The following USP33 variants were observed in gnomAD, a reference collection of about 807,000 sequenced individuals.
USP33 encodes ubiquitin specific peptidase 33.
Under a neutral mutation model 124.2 loss-of-function variants are expected in USP33, and 46 were observed. That is an observed-to-expected ratio of 0.37 (90% CI 0.29 to 0.47). USP33 has a LOEUF of 0.47. Among genes scored for constraint, USP33 ranks in the 20% least tolerant of loss-of-function variants. The pLI, the probability that USP33 is intolerant of heterozygous loss-of-function variation, is 0.99. For synonymous variants in USP33, 350 were observed against 352.3 expected, an observed-to-expected ratio of 0.99 and a Z score of 0.07; for missense variants, 851 against 1,070.6, an observed-to-expected ratio of 0.79 and a Z score of 2.86.
In USP33 at chr1:77,710,429, T is replaced by G. The variant is rs961470229; in HGVS notation, c.2406+1318A>C. ...TCAAAATACTTAGAATAGCTACTATTAATCAAATCCTGACAGACACAGTCA... is the reference window on the plus strand; with the variant it reads ...TCAAAATACTTAGAATAGCTACTATGAATCAAATCCTGACAGACACAGTCA... On this transcript the variant is annotated intron_variant, in intron 21 of 23. Coordinates refer to ENST00000370794, the MANE Select transcript of USP33 (RefSeq NM_201624.3). Among the ~76,000 whole-genome samples the G allele has an allele frequency of 4.6e-5, 7 of 152,360 alleles. No homozygotes were observed. The East Asian group carries it at 1.3e-3, about 29-fold the overall frequency.
intron 21 of USP33, among the ~76,000 whole-genome samples, chr1:77,703,915 G>A (rs1319456314): frequency 6.6e-6 from 1 of 152,074 alleles, no homozygotes; most frequent in African/African-American, 2.4e-5. Context: ...TATTCATCAG[G>A]AGGCTGATGT....
intron 1 of USP33, among the ~76,000 whole-genome samples, chr1:77,744,358 A>T (rs972170718): frequency 2.6e-5 from 4 of 152,184 alleles, no homozygotes; most frequent in Non-Finnish European, 5.9e-5. Flanking sequence ...ATGACAGAAC[A>T]AAGATAGACT....
intron 21 of USP33, 55 bp downstream of exon 21, chr1:77,711,692 A>ATTG: frequency 6.3e-7 from 1 of 1,574,888 alleles, no homozygotes; most frequent in South Asian, 1.2e-5. Context: ...AACTCTGATA[A>ATTG]TTGTCAGGTC....
intron 1 of USP33, among the ~76,000 whole-genome samples, chr1:77,758,482 T>C (rs1209904779): frequency 6.6e-6 from 1 of 152,188 alleles, no homozygotes; most frequent in Non-Finnish European, 1.5e-5. Flanking sequence ...CCCTGACCTT[T>C]CTTTCAATCC....
chr1:77,731,410 G>T (rs1325062625), intron 7 of USP33, among the ~76,000 whole-genome samples: 1 of 152,184 alleles, frequency 6.6e-6, no homozygotes, highest in Non-Finnish European at 1.5e-5. Flanking sequence ...TGATTAGCTT[G>T]AGGGAATCTC....
intron 14 of USP33, chr1:77,721,624 C>A: frequency 3.7e-6 from 2 of 542,110 alleles, no homozygotes; most frequent in South Asian, 2.3e-5. Flanking sequence ...TTGTCTTATA[C>A]TACAGGAATT....
rs754744301 is a variant in USP33 at position 77,711,871 on chromosome 1, T to C, written c.2298-16A>G. The stretch of plus-strand genomic sequence containing the variant: ...TCCACCATACCTAAAGCATGAAAAA[T>C]TTAAGAATTAATGTTCTAGGAAGTT... On this transcript the variant is annotated splice_polypyrimidine_tract_variant and intron_variant, in intron 20 of 23. Transcript: ENST00000370794. 5 of 1,583,290 alleles carry C rather than the reference T, an allele frequency of 3.2e-6. No homozygotes were observed. Among genetic ancestry groups the C allele is most frequent in the South Asian group, 1.2e-5 (1 of 83,252 alleles).
At chr1:77,714,505 A>G in intron 19 of USP33, 109 bp downstream of exon 19, 2 of 1,075,416 alleles carry the variant, frequency 1.9e-6, no homozygotes, top group Non-Finnish European at 2.7e-6. Flanking sequence ...GTTTGAATGC[A>G]GGTGGGGAAA....
intron 14 of USP33, chr1:77,721,524 C>A (rs1280772356): frequency 1.7e-4 from 84 of 493,648 alleles, no homozygotes; most frequent in Non-Finnish European, 1.1e-5. Flanking sequence ...GAGTAGTTCA[C>A]AATTACAGAC....
At chr1:77,724,073 T>A (rs756989913) in intron 11 of USP33, among the ~76,000 whole-genome samples, 6 of 151,962 alleles carry the variant, frequency 3.9e-5, no homozygotes, top group Non-Finnish European at 8.8e-5. Flanking sequence ...ATCACTGGGA[T>A]GTTTACTTAA....
intron 2 of USP33, 53 bp downstream of exon 2, chr1:77,741,564 C>T (rs1679117999): frequency 3.2e-6 from 5 of 1,549,676 alleles, no homozygotes; most frequent in Non-Finnish European, 4.3e-6. Context: ...GAAAATTACA[C>T]ATTCAAGAGA....
chr1:77,753,349 A>C (rs1412616192), intron 1 of USP33, among the ~76,000 whole-genome samples: 1 of 152,144 alleles, frequency 6.6e-6, no homozygotes, highest in Non-Finnish European at 1.5e-5. Context: ...GCACTCTGGG[A>C]GGCAGGGGCA....
In USP33 at chr1:77,723,196, T is replaced by G. The variant is rs1418843583; in HGVS notation, c.1389+135A>C. On this transcript the variant is annotated intron_variant, in intron 12 of 23. Transcript: ENST00000370794. ...TCTACACCTAGAATCAAATTTGTGTTGATGTAAACACAATAAATGCATGTA... is the reference window on the plus strand; with the variant it reads ...TCTACACCTAGAATCAAATTTGTGTGGATGTAAACACAATAAATGCATGTA... 4.2e-6 allele frequency: 3 copies of G among 708,952 alleles called. No homozygotes were observed. The African/African-American group carries it at 5.6e-5, about 13-fold the overall frequency. 43.9% of individuals were successfully genotyped at this position (708,952 alleles called of 1,614,324 possible). A position where few individuals can be genotyped will look rare whatever the true frequency, so the allele number is the denominator to read the frequency against.
chr1:77,720,096 C>G (rs577518117), intron 15 of USP33, among the ~76,000 whole-genome samples: 15 of 135,846 alleles, frequency 1.1e-4, no homozygotes, highest in African/African-American at 4.0e-4. Context: ...GGAAGCTGAG[C>G]CTGCAAAGAG....
chr1:77,723,496 C>G, intron 11 of USP33, 53 bp from the exon 12 acceptor site: 1 of 1,211,340 alleles, frequency 8.3e-7, no homozygotes, highest in Non-Finnish European at 1.2e-6. Context: ...TAACATTTTT[C>G]TCTGGAATCT....
chr1:77,711,015 C>A (rs1406664301), intron 21 of USP33, among the ~76,000 whole-genome samples: 2 of 152,074 alleles, frequency 1.3e-5, no homozygotes, highest in Admixed American at 6.6e-5. Flanking sequence ...TCATAATATG[C>A]TCAGTTTGTG....
intron 5 of USP33, among the ~76,000 whole-genome samples, chr1:77,737,055 A>G (rs1678549775): frequency 6.6e-6 from 1 of 152,014 alleles, no homozygotes; most frequent in African/African-American, 2.4e-5. Context: ...AAAAAAAACG[A>G]AAAAAACTTT....
chr1:77,728,576 A>G lies in USP33; in HGVS notation c.854T>C (p.Val285Ala). The stretch of plus-strand genomic sequence containing the variant: ...ACAAGATTCACAAGACTGAAAATCT[A>G]CATCCGACTGGCTCTTGTCTTCTTC... ...TMEEDKSQSD[V>A]DFQSCESCSN... is the part of the protein sequence containing the mutation. Residue 285 changes from valine (V) to alanine (A), a missense_variant, in exon 10 of 24, where the codon GTA becomes GCA. This residue lies in a region of USP33 where 207 missense variants were observed against 200.9 expected (regional missense o/e 1.03). Coordinates refer to ENST00000370794, the MANE Select transcript of USP33 (RefSeq NM_201624.3). The G allele has an allele frequency of 6.2e-7, 1 of 1,614,148 alleles. No individual in the cohort carries two copies. The highest frequency in any genetic ancestry group is 8.5e-7 in the Non-Finnish European group (1 of 1,180,008).
At chr1:77,722,405 A>G in intron 12 of USP33, 1 of 486,842 alleles carries the variant, frequency 2.1e-6, no homozygotes, top group African/African-American at 2.0e-5. Context: ...GCTCTGTACC[A>G]GGTATCTTCA....
Sources: gnomAD v4.1 joint callset for allele counts (sites outside exome capture counted in the v4.1 genomes callset) on GRCh38, gnomAD v4.1.1 for gene constraint, gnomAD v4.1.1 regional missense constraint, MANE v1.5 for transcripts, NCBI Gene and HGNC (gene_info 2026-07-23, HGNC 2026-07-21) for gene names.